The following LEMD3 variants were observed in gnomAD, a reference collection of about 807,000 sequenced individuals.
LEMD3 encodes the protein inner nuclear membrane protein Man1.
In LEMD3, 33 loss-of-function variants were observed where a neutral mutation model predicts 95.2. The ratio of observed to expected loss-of-function variants is 0.35; its 90% CI spans 0.26 to 0.46. LEMD3 has a LOEUF of 0.46. LEMD3 is among the 20% of genes least tolerant of loss of function. The pLI, the probability that LEMD3 is intolerant of heterozygous loss-of-function variation, is 1.00. For synonymous variants in LEMD3, 525 were observed against 474.6 expected (o/e 1.11, Z -1.38); for missense variants, 1,210 against 1,192.8 (o/e 1.01, Z -0.21).
intron 1 of LEMD3, among the ~76,000 whole-genome samples, chr12:65,183,499 TATA>T (rs1440289576): frequency 6.6e-6 from 1 of 152,196 alleles, no homozygotes; most frequent in East Asian, 1.9e-4. Flanking sequence ...TAGTGTTCTC[TATA>T]ATATTTTCAG....
chr12:65,215,081 C>T (rs1360247278), intron 2 of LEMD3, among the ~76,000 whole-genome samples: 2 of 152,188 alleles, frequency 1.3e-5, no homozygotes, highest in Admixed American at 6.5e-5. Context: ...AACTCTCTGT[C>T]TTGCTATCCA....
intron 4 of LEMD3, among the ~76,000 whole-genome samples, chr12:65,231,511 C>G (rs920711988): frequency 6.6e-6 from 1 of 151,818 alleles, no homozygotes; most frequent in Non-Finnish European, 1.5e-5. Context: ...ATAGTGAGAT[C>G]TTGTCTCTAC....
chr12:65,242,647 C>G (rs1221175327), intron 9 of LEMD3, among the ~76,000 whole-genome samples: 2 of 152,148 alleles, frequency 1.3e-5, no homozygotes, highest in South Asian at 4.1e-4. Context: ...TGTCCTGATT[C>G]TATCCGCTTG....
chr12:65,187,240 T>C (rs1313842897), intron 1 of LEMD3, among the ~76,000 whole-genome samples: 2 of 152,160 alleles, frequency 1.3e-5, no homozygotes, highest in Non-Finnish European at 2.9e-5. Flanking sequence ...AGTTGGGCTC[T>C]TTTGGTTATA....
At chr12:65,240,769 T>C (rs570475588) in intron 8 of LEMD3, 140 bp from the exon 9 acceptor site, 40 of 719,180 alleles carry the variant, frequency 5.6e-5, no homozygotes, top group Middle Eastern at 6.8e-4. Context: ...AGATGAGATA[T>C]AGGCATCTAA....
At chr12:65,234,157 G>A (rs1487153516) in intron 4 of LEMD3, among the ~76,000 whole-genome samples, 1 of 152,090 alleles carries the variant, frequency 6.6e-6, no homozygotes, top group Non-Finnish European at 1.5e-5. Flanking sequence ...ATGGCTTATG[G>A]GCCAGATCCA....
chr12:65,181,609 T>C lies in LEMD3; in HGVS notation c.1522+10491T>C, dbSNP rs1054596115. Among the ~76,000 whole-genome samples the C allele has an allele frequency of 5.9e-5, 9 of 152,148 alleles. No individual in the cohort carries two copies. The South Asian group carries it at 1.9e-3, about 32-fold the overall frequency. ...CCATCTGGTAAAGCTTATCACAGTGTATATATACACAAAAGAAATAGTTGG... is the reference window on the plus strand; with the variant it reads ...CCATCTGGTAAAGCTTATCACAGTGCATATATACACAAAAGAAATAGTTGG... On this transcript the variant is annotated intron_variant, in intron 1 of 12. Coordinates refer to ENST00000308330, the MANE Select transcript of LEMD3 (RefSeq NM_014319.5).
At chr12:65,218,774 A>G (rs1432750237) in intron 4 of LEMD3, among the ~76,000 whole-genome samples, 155 bp downstream of exon 4, 1 of 147,298 alleles carries the variant, frequency 6.8e-6, no homozygotes, top group East Asian at 2.0e-4. Context: ...AGAAAGTAAA[A>G]TTGTTCAACT....
intron 10 of LEMD3, among the ~76,000 whole-genome samples, chr12:65,244,280 CACACA>C (rs920801746): frequency 6.4e-5 from 9 of 140,700 alleles, no homozygotes; most frequent in African/African-American, 2.3e-4. Context: ...CACACACACA[CACACA>C]CCCCCCCCAC....
chr12:65,245,683 A>T lies in LEMD3; in HGVS notation c.2402A>T (p.Gln801Leu), dbSNP rs1241284064. 1.2e-6 allele frequency: 2 copies of T among 1,613,130 alleles called. No homozygotes were observed. The highest frequency in any genetic ancestry group is 1.1e-5 in the South Asian group (1 of 91,068). The change falls in exon 11 of 13, where the codon CAG becomes CTG. Residue 801 changes from glutamine to leucine, a missense_variant. Gln to Leu is a moderately radical substitution (Grantham distance 113). Coordinates refer to ENST00000308330, the MANE Select transcript of LEMD3 (RefSeq NM_014319.5). Reference sequence around the variant, plus strand: ...TTAACTTTTAGGGAAATAGGGGATCAGTGGCATTTGGCAATTCAAGAAGCA... The same window carrying T: ...TTAACTTTTAGGGAAATAGGGGATCTGTGGCATTTGGCAATTCAAGAAGCA... ...MFDPVMEIGD[Q>L]WHLAIQEAIL...
At chr12:65,193,714 G>T (rs1293395237) in intron 1 of LEMD3, among the ~76,000 whole-genome samples, 1 of 142,446 alleles carries the variant, frequency 7.0e-6, no homozygotes, top group Non-Finnish European at 1.5e-5. Flanking sequence ...TCTCCTGATG[G>T]TCGCCTAACA....
intron 1 of LEMD3, among the ~76,000 whole-genome samples, chr12:65,203,971 T>C (rs551227202): frequency 3.9e-4 from 59 of 152,312 alleles, no homozygotes; most frequent in African/African-American, 1.3e-3. Context: ...TTTATTAGTG[T>C]TAGCATGGTA....
intron 4 of LEMD3, among the ~76,000 whole-genome samples, chr12:65,232,134 T>C (rs1870648242): frequency 6.6e-6 from 1 of 152,158 alleles, no homozygotes. Context: ...AATTCCCAAT[T>C]TAAAATGACT....
chr12:65,191,287 G>A (rs1869231496), intron 1 of LEMD3, among the ~76,000 whole-genome samples: 3 of 151,972 alleles, frequency 2.0e-5, no homozygotes, highest in Admixed American at 6.6e-5. Context: ...TGGATGACAG[G>A]ACTTAAAATG....
rs979203960 is a variant in LEMD3, at chr12:65,169,887, C to T, written c.291C>T (p.Asp97=). ...AGMGVRPVSG[D]LSYLRTPGGL... ...TGGGGGTCCGGCCGGTCTCGGGCGA[C>T]CTCTCCTACTTACGGACTCCTGGGG... Residue 97 remains aspartate, a synonymous_variant, in exon 1 of 13, where the codon GAC becomes GAT. Coordinates refer to ENST00000308330, the MANE Select transcript of LEMD3 (RefSeq NM_014319.5). 2.1e-5 allele frequency: 31 copies of T among 1,453,410 alleles called. 1 individual carries two copies. The South Asian group carries it at 3.1e-4, about 14-fold the overall frequency. The allele number at this position is 1,453,410 out of a possible 1,614,324, so 90.0% of individuals were successfully genotyped here. A position where few individuals can be genotyped will look rare whatever the true frequency, so the allele number is the denominator to read the frequency against.
chr12:65,183,019 C>T (rs1295217199), intron 1 of LEMD3, among the ~76,000 whole-genome samples: 4 of 152,104 alleles, frequency 2.6e-5, no homozygotes, highest in Non-Finnish European at 4.4e-5. Flanking sequence ...TTAGGATCTT[C>T]AGTCTCTTAG....
chr12:65,183,299 T>C (rs575989073), intron 1 of LEMD3, among the ~76,000 whole-genome samples: 2 of 152,302 alleles, frequency 1.3e-5, no homozygotes, highest in African/African-American at 2.4e-5. Flanking sequence ...GAATCCGATA[T>C]GTATTTTGCA....
rs1373142121 is a variant in LEMD3 at position 65,222,552 on chromosome 12, A to AT, written c.1695+3940dup. On this transcript the variant is annotated intron_variant, in intron 4 of 12. Transcript: ENST00000308330. Reference sequence around the variant, plus strand: ...ATAATAAACTCAGAAATGAATTCTGATTTTTTTCTTAGTCTAGTTAAGGGT... The same window carrying AT: ...ATAATAAACTCAGAAATGAATTCTGATTTTTTTTCTTAGTCTAGTTAAGGGT... Among the ~76,000 whole-genome samples the AT allele has an allele frequency of 3.9e-5, 6 of 151,960 alleles. No homozygotes were observed. In the South Asian group the frequency reaches 1.2e-3, roughly 32 times the overall value.
chr12:65,236,210 TTG>T (rs1160762956), intron 4 of LEMD3, among the ~76,000 whole-genome samples: 2 of 152,188 alleles, frequency 1.3e-5, no homozygotes, highest in African/African-American at 4.8e-5. Context: ...TAGAGAGAAT[TTG>T]AAATGACTTT....
Sources: gnomAD v4.1 joint callset for allele counts (sites outside exome capture counted in the v4.1 genomes callset) on GRCh38, gnomAD v4.1.1 for gene constraint, MANE v1.5 for transcripts, NCBI Gene and HGNC (gene_info 2026-07-23, HGNC 2026-07-21) for gene names.